ADARB2: variants seen among roughly 807,000 people sequenced by gnomAD.
ADARB2 encodes the protein inactive double-stranded RNA-specific editase B2.
ADARB2 carries 25 observed loss-of-function variants against 62.2 expected under a neutral mutation model. The observed-to-expected ratio is 0.40, with a 90% CI of 0.29 to 0.56. ADARB2 has a LOEUF of 0.56. ADARB2 is among the 20% of genes least tolerant of loss of function. The pLI is 0.43. For synonymous variants in ADARB2, 572 were observed against 500.8 expected, an observed-to-expected ratio of 1.14 and a Z score of -1.90; for missense variants, 1,071 against 1,077.4, an observed-to-expected ratio of 0.99 and a Z score of 0.08.
At chr10:1,395,935 C>T (rs1832609029) in intron 1 of ADARB2, among the ~76,000 whole-genome samples, 1 of 152,238 alleles carries the variant, frequency 6.6e-6, no homozygotes, top group Non-Finnish European at 1.5e-5. Flanking sequence ...GGAAGTGCGG[C>T]ATCGTGAACC....
rs1474033733 is a variant in ADARB2, at chr10:1,370,729, C to G, written c.188-6812G>C. On this transcript the variant is annotated intron_variant, in intron 2 of 9. Transcript: ENST00000381312. ...TAGCCACACACACAAAATAAAATAC[C>G]TAGGAATACATTTAACCAAGGAGAT... 3.9e-5 allele frequency among the ~76,000 whole-genome samples: 6 copies of G among 152,198 alleles called. No individual in the cohort carries two copies. In the South Asian group the frequency reaches 1.2e-3, roughly 32 times the overall value.
At chr10:1,349,219 C>G (rs1048568590) in intron 3 of ADARB2, among the ~76,000 whole-genome samples, 7 of 152,128 alleles carry the variant, frequency 4.6e-5, no homozygotes, top group African/African-American at 9.7e-5. Flanking sequence ...CCCTGCTGAG[C>G]ACCTTGTGAC....
chr10:1,691,422 A>G (rs2119126417), intron 1 of ADARB2, among the ~76,000 whole-genome samples: 1 of 152,170 alleles, frequency 6.6e-6, no homozygotes, highest in South Asian at 2.1e-4. Context: ...TACTCCTGGA[A>G]CTCATTTCTT....
chr10:1,648,783 G>A (rs945823823), intron 1 of ADARB2, among the ~76,000 whole-genome samples: 1 of 152,144 alleles, frequency 6.6e-6, no homozygotes, highest in Non-Finnish European at 1.5e-5. Flanking sequence ...TTAACTGAGC[G>A]TGTTTTAGAC....
At chr10:1,493,535 T>C (rs1037048054) in intron 1 of ADARB2, among the ~76,000 whole-genome samples, 1 of 152,106 alleles carries the variant, frequency 6.6e-6, no homozygotes, top group African/African-American at 2.4e-5. Context: ...TCACACTTGA[T>C]TCATGGTCCT....
intron 3 of ADARB2, among the ~76,000 whole-genome samples, chr10:1,277,845 G>A (rs1399953795): frequency 6.6e-6 from 1 of 152,160 alleles, no homozygotes; most frequent in Non-Finnish European, 1.5e-5. Context: ...CATTGATGCA[G>A]AAATCCTCAA....
At chr10:1,562,958 G>T (rs2131987248) in intron 1 of ADARB2, among the ~76,000 whole-genome samples, 1 of 152,344 alleles carries the variant, frequency 6.6e-6, no homozygotes, top group Non-Finnish European at 1.5e-5. Context: ...TAATCTCTCA[G>T]CCAGAAAGAA....
intron 3 of ADARB2, among the ~76,000 whole-genome samples, chr10:1,355,001 C>A (rs985581455): frequency 6.6e-6 from 1 of 152,214 alleles, no homozygotes; most frequent in South Asian, 2.1e-4. Context: ...TGACCCGATC[C>A]TCTCCAGCTT....
At chr10:1,226,109 C>A (rs951588743) in intron 6 of ADARB2, among the ~76,000 whole-genome samples, 1 of 152,154 alleles carries the variant, frequency 6.6e-6, no homozygotes, top group South Asian at 2.1e-4. Context: ...TTCTTCATTT[C>A]TTTTTATTCT....
intron 1 of ADARB2, among the ~76,000 whole-genome samples, chr10:1,657,981 GTCTC>G (rs140696454): frequency 2.3e-4 from 20 of 88,114 alleles, no homozygotes; most frequent in African/African-American, 3.7e-4. Flanking sequence ...CTCTATCTCA[GTCTC>G]TCTCTCTCTT....
chr10:1,475,113 G>GC (rs1831381585), intron 1 of ADARB2, among the ~76,000 whole-genome samples: 1 of 152,168 alleles, frequency 6.6e-6, no homozygotes, highest in Non-Finnish European at 1.5e-5. Flanking sequence ...AATCAACGCG[G>GC]CGTCGTCAAG....
At chr10:1,588,673 A>G (rs1833210634) in intron 1 of ADARB2, among the ~76,000 whole-genome samples, 1 of 152,240 alleles carries the variant, frequency 6.6e-6, no homozygotes, top group African/African-American at 2.4e-5. Flanking sequence ...TTCGACAGCC[A>G]GAAGTCAGGG....
chr10:1,546,768 C>T (rs759471005), intron 1 of ADARB2, among the ~76,000 whole-genome samples: 1 of 152,250 alleles, frequency 6.6e-6, no homozygotes, highest in South Asian at 2.1e-4. Flanking sequence ...CTGCAGAACC[C>T]ATTACCCATC....
At chr10:1,510,110 C>CTTTCTT (rs1289777469) in intron 1 of ADARB2, among the ~76,000 whole-genome samples, 14 of 106,184 alleles carry the variant, frequency 1.3e-4, no homozygotes, top group African/African-American at 3.3e-4. Flanking sequence ...CTTTCTTTCT[C>CTTTCTT]TCTTTCTTTC....
chr10:1,316,625 T>C lies in ADARB2; in HGVS notation c.1078-45556A>G, dbSNP rs564671546. On this transcript the variant is annotated intron_variant, in intron 3 of 9. Coordinates refer to ENST00000381312, the MANE Select transcript of ADARB2 (RefSeq NM_018702.4). Reference sequence around the variant, plus strand: ...CTTATGTATTCAGAGCAGTACTTATTAGATCACAAAACAGCACAAAGCCCT... The same window carrying C: ...CTTATGTATTCAGAGCAGTACTTATCAGATCACAAAACAGCACAAAGCCCT... Among the ~76,000 whole-genome samples the C allele has an allele frequency of 2.0e-5, 3 of 152,344 alleles. No homozygotes were observed. The East Asian group carries it at 5.8e-4, about 29-fold the overall frequency.
At chr10:1,710,817 C>T (rs1050658045) in intron 1 of ADARB2, among the ~76,000 whole-genome samples, 1 of 152,114 alleles carries the variant, frequency 6.6e-6, no homozygotes, top group African/African-American at 2.4e-5. Flanking sequence ...CCTGGGGCTT[C>T]ACCTTCACTC....
intron 3 of ADARB2, among the ~76,000 whole-genome samples, chr10:1,311,274 G>T (rs138814798): frequency 2.0e-5 from 3 of 152,254 alleles, no homozygotes; most frequent in African/African-American, 7.2e-5. Context: ...GGCACTTGTG[G>T]TGCTGCTGAT....
chr10:1,341,145 G>A (rs1832022372), intron 3 of ADARB2, among the ~76,000 whole-genome samples: 1 of 151,002 alleles, frequency 6.6e-6, no homozygotes, highest in African/African-American at 2.4e-5. Context: ...ATGCCCCAAA[G>A]CAGTGATAAC....
At chr10:1,568,598 AGGAG>A (rs138694523) in intron 1 of ADARB2, among the ~76,000 whole-genome samples, 65,006 of 150,952 alleles carry the variant, frequency 0.43, 14,241 homozygotes, top group African/African-American at 0.52. Context: ...GAAGGAGGAA[AGGAG>A]GGAGGGAGGG....
Sources: gnomAD v4.1 joint callset for allele counts (sites outside exome capture counted in the v4.1 genomes callset) on GRCh38, gnomAD v4.1.1 for gene constraint, MANE v1.5 for transcripts, NCBI Gene and HGNC (gene_info 2026-07-23, HGNC 2026-07-21) for gene names.